Variants in PHKB observed in about 807,000 individuals in gnomAD.
The protein encoded by PHKB is phosphorylase b kinase regulatory subunit beta.
PHKB carries 122 observed loss-of-function variants against 152.1 expected under a neutral mutation model. That is an observed-to-expected ratio of 0.80 (90% CI 0.69 to 0.93). The LOEUF (loss-of-function observed/expected upper bound fraction) is 0.93, where lower values mean the gene tolerates loss of function less well. PHKB is among the 40% of genes least tolerant of loss of function. The probability of loss-of-function intolerance (pLI) is 0.00; values close to 1 mark genes in which losing one functional copy is unlikely to be tolerated. For synonymous variants in PHKB, 436 were observed against 464.9 expected, an observed-to-expected ratio of 0.94 and a Z score of 0.80; for missense variants, 1,304 against 1,328.4, an observed-to-expected ratio of 0.98 and a Z score of 0.29.
intron 7 of PHKB, chr16:47,566,816 A>G: frequency 1.4e-6 from 1 of 725,026 alleles, no homozygotes; most frequent in Non-Finnish European, 2.6e-6. Flanking sequence ...TTCCTCCACC[A>G]GTCCCTCCAT....
Position 47,593,308 on chromosome 16 carries a change from A to G in PHKB, c.1069-192A>G, listed in dbSNP as rs117405830. Among the ~76,000 whole-genome samples the G allele has an allele frequency of 2.3e-3, 353 of 152,044 alleles. 5 individuals carry two copies. The East Asian group carries it at 0.04, about 17-fold the overall frequency. ...TAGCCAGATATAGTGGTTTGTGTCTATAGTCCCAGCCCTCCCACTTGGGAG... is the reference window on the plus strand; with the variant it reads ...TAGCCAGATATAGTGGTTTGTGTCTGTAGTCCCAGCCCTCCCACTTGGGAG... On this transcript the variant is annotated intron_variant, in intron 10 of 30. Transcript: ENST00000323584.
chr16:47,488,055 C>G (rs1970079437), intron 1 of PHKB, among the ~76,000 whole-genome samples: 1 of 152,204 alleles, frequency 6.6e-6, no homozygotes, highest in African/African-American at 2.4e-5. Flanking sequence ...TTCCCACCAG[C>G]AGTGTATAAG....
At chr16:47,692,867 T>G (rs1475698145) in intron 27 of PHKB, among the ~76,000 whole-genome samples, 2 of 152,184 alleles carry the variant, frequency 1.3e-5, no homozygotes, top group African/African-American at 4.8e-5. Context: ...TCTATAAGGT[T>G]TAAAATAAGG....
At chr16:47,597,474 G>A (rs1031992963) in intron 13 of PHKB, among the ~76,000 whole-genome samples, 7 of 151,990 alleles carry the variant, frequency 4.6e-5, no homozygotes, top group Non-Finnish European at 8.8e-5. Flanking sequence ...AGTTAATGCT[G>A]TTTTCAGTTT....
chr16:47,584,544 A>C (rs1320879946), intron 8 of PHKB, among the ~76,000 whole-genome samples: 1 of 152,184 alleles, frequency 6.6e-6, no homozygotes, highest in East Asian at 1.9e-4. Context: ...TGCTGGAAAG[A>C]GCTGTTGGGT....
chr16:47,481,013 GTCT>G (rs751539714), intron 1 of PHKB, among the ~76,000 whole-genome samples: 6 of 152,022 alleles, frequency 3.9e-5, no homozygotes, highest in Non-Finnish European at 7.4e-5. Flanking sequence ...ACATTTTGAT[GTCT>G]TCATTATAAT....
intron 4 of PHKB, among the ~76,000 whole-genome samples, chr16:47,506,757 A>G (rs551400675): frequency 2.2e-4 from 33 of 152,202 alleles, no homozygotes; most frequent in Non-Finnish European, 4.1e-4. Flanking sequence ...TATGGGAAGG[A>G]GAAGAATTGT....
chr16:47,594,127 T>C lies in PHKB; in HGVS notation c.1127-10T>C. ...TCAGCTGCTATTGGATTTTATATTT[T>C]ATATTTTAGGAGTTTTTAGAGGCAA... On this transcript the variant is annotated splice_polypyrimidine_tract_variant and intron_variant, in intron 11 of 30. Coordinates refer to ENST00000323584, the MANE Select transcript of PHKB (RefSeq NM_000293.3). 7.0e-7 allele frequency: 1 copy of C among 1,433,354 alleles called. No individual in the cohort carries two copies. The highest frequency in any genetic ancestry group is 9.8e-7 in the Non-Finnish European group (1 of 1,016,384). The allele number at this position is 1,433,354 out of a possible 1,614,324, so 88.8% of individuals were successfully genotyped here.
At chr16:47,661,862 A>G (rs767566497) in intron 23 of PHKB, 62 bp downstream of exon 23, 11 of 970,278 alleles carry the variant, frequency 1.1e-5, no homozygotes, top group East Asian at 9.5e-5. Context: ...ACATATATCA[A>G]ATATGCATAA....
At chr16:47,665,148 C>A in intron 25 of PHKB, 173 bp downstream of exon 25, 1 of 616,212 alleles carries the variant, frequency 1.6e-6, no homozygotes, top group Non-Finnish European at 2.9e-6. Flanking sequence ...TTCTTTTAGT[C>A]ATCTATGTTG....
chr16:47,662,742 A>G (rs1597159993), intron 23 of PHKB, among the ~76,000 whole-genome samples: 1 of 152,202 alleles, frequency 6.6e-6, no homozygotes, highest in Non-Finnish European at 1.5e-5. Context: ...TCTTAAAACT[A>G]TAAGTATAAG....
At chr16:47,681,001 G>A (rs961042441) in intron 26 of PHKB, among the ~76,000 whole-genome samples, 1 of 152,074 alleles carries the variant, frequency 6.6e-6, no homozygotes, top group African/African-American at 2.4e-5. Context: ...AAGAACATCT[G>A]TGTTTCTGCC....
At chr16:47,632,299 G>A (rs761399953) in intron 14 of PHKB, among the ~76,000 whole-genome samples, 6 of 152,172 alleles carry the variant, frequency 3.9e-5, no homozygotes, top group Non-Finnish European at 8.8e-5. Flanking sequence ...AGATTTCAGT[G>A]TAAAAGGTTG....
At position 47,499,868 on chromosome 16, in the gene PHKB, G is replaced by A. The variant is rs1030085272; in HGVS notation, c.279G>A (p.Gly93=). Residue 93 remains glycine, a synonymous_variant, in exon 3 of 31, where the codon GGG becomes GGA. Coordinates refer to ENST00000323584, the MANE Select transcript of PHKB (RefSeq NM_000293.3). ...AGGACAGCCTATACTGCGCTGCTGGGGCCTGGGCTTTGGCTCTTGCATACA... is the reference window on the plus strand; with the variant it reads ...AGGACAGCCTATACTGCGCTGCTGGAGCCTGGGCTTTGGCTCTTGCATACA... ...KIQDSLYCAA[G]AWALALAYRR... 2 of 1,614,102 alleles carry A rather than the reference G, an allele frequency of 1.2e-6. No homozygotes were observed. The highest frequency in any genetic ancestry group is 3.3e-5 in the Admixed American group (2 of 60,004).
chr16:47,631,732 G>A (rs1972831317), intron 14 of PHKB, among the ~76,000 whole-genome samples: 1 of 152,074 alleles, frequency 6.6e-6, no homozygotes, highest in Admixed American at 6.5e-5. Flanking sequence ...TGCAGTGTTT[G>A]GTTTTCTGTT....
intron 7 of PHKB, chr16:47,565,011 T>G (rs1971541199): frequency 1.5e-5 from 5 of 328,482 alleles, no homozygotes; most frequent in Non-Finnish European, 2.4e-5. Flanking sequence ...CTTGTCTGGA[T>G]AGAGGTTTGA....
At chr16:47,684,507 C>T (rs983326204) in intron 26 of PHKB, among the ~76,000 whole-genome samples, 3 of 152,074 alleles carry the variant, frequency 2.0e-5, no homozygotes, top group Non-Finnish European at 4.4e-5. Flanking sequence ...TGGCTCACCC[C>T]TGTAATCCCA....
intron 20 of PHKB, among the ~76,000 whole-genome samples, chr16:47,659,662 A>G (rs1296966676): frequency 6.6e-6 from 1 of 152,214 alleles, no homozygotes; most frequent in Non-Finnish European, 1.5e-5. Flanking sequence ...ATGGGTAGCC[A>G]TATGCCAGAA....
Position 47,649,100 on chromosome 16 carries a change from A to T in PHKB, c.1693A>T (p.Ile565Phe). ...RPIGCLGTSK[I>F]YRILGKTVVC... ...TGTTTTAAAACTTTTTCCCTTACAG[A>T]TTTATCGCATTCTAGGAAAGACTGT... The change falls in exon 18 of 31, where the codon ATT becomes TTT. Residue 565 changes from isoleucine to phenylalanine, a missense_variant and splice_region_variant. Ile to Phe is a conservative substitution (Grantham distance 21). Transcript: ENST00000323584. The T allele has an allele frequency of 6.4e-7, 1 of 1,564,942 alleles. No individual in the cohort carries two copies. The highest frequency in any genetic ancestry group is 8.8e-7 in the Non-Finnish European group (1 of 1,135,226).
Sources: gnomAD v4.1 joint callset for allele counts (sites outside exome capture counted in the v4.1 genomes callset) on GRCh38, gnomAD v4.1.1 for gene constraint, MANE v1.5 for transcripts, NCBI Gene and HGNC (gene_info 2026-07-23, HGNC 2026-07-21) for gene names.